Variants in PIAS1 observed in about 807,000 individuals in gnomAD.
PIAS1 encodes protein inhibitor of activated STAT 1.
A neutral mutation model predicts 71.3 loss-of-function variants in PIAS1; 6 were observed. The ratio of observed to expected loss-of-function variants is 0.08; its 90% confidence interval spans 0.05 to 0.17. The LOEUF (loss-of-function observed/expected upper bound fraction) is 0.17, where lower values mean the gene tolerates loss of function less well. PIAS1 is among the 10% of genes least tolerant of loss of function. The pLI, the probability that PIAS1 is intolerant of heterozygous loss-of-function variation, is 1.00. For synonymous variants in PIAS1, 303 were observed against 292.9 expected, an observed-to-expected ratio of 1.03 and a Z score of -0.35; for missense variants, 555 against 793.6, an observed-to-expected ratio of 0.70 and a Z score of 3.61.
intron 2 of PIAS1, among the ~76,000 whole-genome samples, chr15:68,091,950 T>C (rs565590169): frequency 6.6e-6 from 1 of 152,322 alleles, no homozygotes; most frequent in Admixed American, 6.5e-5. Flanking sequence ...GTTGGAAAAT[T>C]GTTAAGTCGA....
At chr15:68,122,662 G>T (rs1393655676) in intron 2 of PIAS1, among the ~76,000 whole-genome samples, 1 of 152,130 alleles carries the variant, frequency 6.6e-6, no homozygotes, top group Non-Finnish European at 1.5e-5. Flanking sequence ...GGAAGAAAAT[G>T]AAATGCTATT....
At chr15:68,168,517 T>A (rs1234298566) in intron 8 of PIAS1, among the ~76,000 whole-genome samples, 1 of 152,196 alleles carries the variant, frequency 6.6e-6, no homozygotes, top group African/African-American at 2.4e-5. Context: ...GTTAAAGTGC[T>A]TATTTGCAAA....
intron 2 of PIAS1, among the ~76,000 whole-genome samples, chr15:68,111,091 C>CA (rs2092519766): frequency 6.6e-6 from 1 of 152,146 alleles, no homozygotes; most frequent in Non-Finnish European, 1.5e-5. Context: ...CTCCATACTC[C>CA]AAATCTTGAA....
chr15:68,174,425 C>T lies in PIAS1; in HGVS notation c.1169+533C>T, dbSNP rs536143762. 5.5e-4 allele frequency among the ~76,000 whole-genome samples: 83 copies of T among 152,198 alleles called. 1 individual carries two copies. The highest frequency in any genetic ancestry group is 2.8e-3 in the Admixed American group (43 of 15,272). ...TCTTTGTTTTATCTATCCTACCAGA[C>T]ATCTTGGAATGTTCCTCTAAATTTT... is the stretch of plus-strand genomic sequence containing the variant. On this transcript the variant is annotated intron_variant, in intron 9 of 13. Transcript: ENST00000249636. This position sits in a 1 kb window ranked among gnomAD's most constrained non-coding sequence, Gnocchi z 4.0.
At chr15:68,063,014 T>TA (rs1305042720) in intron 1 of PIAS1, among the ~76,000 whole-genome samples, 1 of 143,790 alleles carries the variant, frequency 7.0e-6, no homozygotes, top group Non-Finnish European at 1.6e-5. Flanking sequence ...ATGGTTTTGC[T>TA]ATACACTACT....
chr15:68,170,358 G>T (rs1172439286), intron 8 of PIAS1, among the ~76,000 whole-genome samples: 1 of 152,140 alleles, frequency 6.6e-6, no homozygotes, highest in African/African-American at 2.4e-5. Context: ...TTACAAAACT[G>T]AATACTGTAG....
chr15:68,055,838 T>A (rs2091890257), intron 1 of PIAS1: 1 of 681,710 alleles, frequency 1.5e-6, no homozygotes, highest in Admixed American at 2.1e-5. Context: ...GAGTTTTTCC[T>A]GTGGAATATC....
intron 6 of PIAS1, 120 bp downstream of exon 6, chr15:68,146,820 C>A: frequency 1.3e-6 from 1 of 777,854 alleles, no homozygotes; most frequent in Non-Finnish European, 2.1e-6. Flanking sequence ...ATTTTTGTCT[C>A]ACAATGAATT....
chr15:68,081,305 TCAAAAGTGATCAGA>T (rs2092225975), intron 1 of PIAS1, among the ~76,000 whole-genome samples: 1 of 152,144 alleles, frequency 6.6e-6, no homozygotes, highest in African/African-American at 2.4e-5. Flanking sequence ...TTCCTCTCTG[TCAAAAGTGATCAGA>T]CAAAAGGAAG....
At chr15:68,099,737 C>A (rs1013466733) in intron 2 of PIAS1, among the ~76,000 whole-genome samples, 3 of 151,570 alleles carry the variant, frequency 2.0e-5, no homozygotes, top group Admixed American at 2.0e-4. Flanking sequence ...CTTTCTGTTT[C>A]TTCTGGTATT....
At chr15:68,115,767 A>G (rs867924052) in intron 2 of PIAS1, among the ~76,000 whole-genome samples, 4 of 152,040 alleles carry the variant, frequency 2.6e-5, no homozygotes, top group South Asian at 4.2e-4. Context: ...GTTTTTGTCA[A>G]ATGCGTTTTC....
Position 68,142,325 on chromosome 15 carries a change from A to G in PIAS1, c.590A>G (p.Gln197Arg). The part of the protein sequence containing the change: ...ISGTKCDFTV[Q>R]VQLRFCLSET... ...GGGACCAAATGTGACTTCACAGTAC[A>G]GGTCCAGTTAAGGTACAGTGCTGAC... Residue 197 changes from glutamine (Q) to arginine (R), a missense_variant, in exon 4 of 14, where the codon CAG (glutamine) becomes CGG (arginine). By Grantham distance (43) the Gln-to-Arg change is conservative. Transcript: ENST00000249636. The G allele has an allele frequency of 6.2e-7, 1 of 1,603,114 alleles. No homozygotes were observed. Among genetic ancestry groups the G allele is most frequent in the Non-Finnish European group, 8.5e-7 (1 of 1,170,516 alleles).
chr15:68,056,570 ACTGT>A (rs1230790514), intron 1 of PIAS1, among the ~76,000 whole-genome samples: 7 of 152,052 alleles, frequency 4.6e-5, no homozygotes, highest in Admixed American at 4.6e-4. Context: ...AATTATAATA[ACTGT>A]TTTGACATGT....
At chr15:68,182,973 T>TG (rs2093064934) in intron 12 of PIAS1, among the ~76,000 whole-genome samples, 1 of 152,206 alleles carries the variant, frequency 6.6e-6, no homozygotes. Flanking sequence ...CTTGTTCACT[T>TG]GCTCTTCATC....
intron 7 of PIAS1, among the ~76,000 whole-genome samples, chr15:68,160,877 T>TAAGTTC (rs1181508917): frequency 6.6e-6 from 1 of 152,216 alleles, no homozygotes; most frequent in Non-Finnish European, 1.5e-5. Flanking sequence ...ACTTGAATGC[T>TAAGTTC]TCACTCCTAA....
At chr15:68,084,120 C>G (rs545046086) in intron 1 of PIAS1, among the ~76,000 whole-genome samples, 1 of 152,256 alleles carries the variant, frequency 6.6e-6, no homozygotes, top group Non-Finnish European at 1.5e-5. Flanking sequence ...GCATCTGAAT[C>G]TTTGTACCTA....
intron 2 of PIAS1, among the ~76,000 whole-genome samples, chr15:68,134,952 C>T (rs868677933): frequency 1.1e-3 from 53 of 48,244 alleles, no homozygotes; most frequent in African/African-American, 1.4e-3. Context: ...CCGGACGGGG[C>T]GGCCGGCCGG....
At chr15:68,134,566 C>A (rs868330057) in intron 2 of PIAS1, among the ~76,000 whole-genome samples, 1 of 43,004 alleles carries the variant, frequency 2.3e-5, no homozygotes, top group Non-Finnish European at 9.5e-5. Flanking sequence ...GTAGGGGCGG[C>A]CGGGCAGAGG....
At chr15:68,161,300 A>C (rs977416818) in intron 7 of PIAS1, among the ~76,000 whole-genome samples, 8 of 152,244 alleles carry the variant, frequency 5.3e-5, no homozygotes, top group African/African-American at 1.9e-4. Flanking sequence ...AACTGAAAGA[A>C]GACCTGCATA....
Sources: gnomAD v4.1 joint callset for allele counts (sites outside exome capture counted in the v4.1 genomes callset) on GRCh38, gnomAD v4.1.1 for gene constraint, Gnocchi (gnomAD v3.1) non-coding constraint, MANE v1.5 for transcripts, NCBI Gene and HGNC (gene_info 2026-07-23, HGNC 2026-07-21) for gene names.